ATG5: variants seen among roughly 807,000 people sequenced by gnomAD.
ATG5 encodes the protein autophagy protein 5.
A neutral mutation model predicts 36.5 loss-of-function variants in ATG5; 14 were observed. The ratio of observed to expected loss-of-function variants is 0.38; its 90% CI spans 0.25 to 0.60. The LOEUF is 0.60. Ranked by LOEUF, ATG5 falls within the 20% of genes least tolerant of loss-of-function variation. The probability of loss-of-function intolerance (pLI) is 0.60; values close to 1 mark genes in which losing one functional copy is unlikely to be tolerated. For missense variants in ATG5, 195 were observed against 326.7 expected, an observed-to-expected ratio of 0.60 and a Z score of 3.11; for synonymous variants, 95 against 101.5, an observed-to-expected ratio of 0.94 and a Z score of 0.38.
intron 6 of ATG5, among the ~76,000 whole-genome samples, chr6:106,214,724 G>A (rs561784703): frequency 8.5e-5 from 13 of 152,160 alleles, no homozygotes; most frequent in African/African-American, 2.4e-4. Flanking sequence ...TTTCCTCTTC[G>A]TATCCTTTGA....
chr6:106,265,279 G>C (rs556376301), intron 5 of ATG5, among the ~76,000 whole-genome samples: 1 of 152,144 alleles, frequency 6.6e-6, no homozygotes, highest in Non-Finnish European at 1.5e-5. Context: ...ATGGTAAAGG[G>C]ATCAATGCAA....
intron 1 of ATG5, among the ~76,000 whole-genome samples, chr6:106,324,630 G>A (rs1337495137): frequency 1.3e-5 from 2 of 152,092 alleles, no homozygotes; most frequent in South Asian, 2.1e-4. Flanking sequence ...ACACACTTGA[G>A]GTGTGTGCAC....
intron 1 of ATG5, among the ~76,000 whole-genome samples, chr6:106,321,647 C>T (rs966415253): frequency 2.6e-5 from 4 of 152,144 alleles, no homozygotes; most frequent in Non-Finnish European, 5.9e-5. Context: ...CGTGAGCCAC[C>T]GCGCCTGGCC....
chr6:106,246,375 C>G (rs1463208481), intron 6 of ATG5, among the ~76,000 whole-genome samples: 1 of 88,108 alleles, frequency 1.1e-5, no homozygotes, highest in Non-Finnish European at 2.2e-5. Context: ...GTCTCTGTCT[C>G]TCTCTCTCTC....
chr6:106,239,419 C>T (rs748014991), intron 6 of ATG5, among the ~76,000 whole-genome samples: 8 of 151,986 alleles, frequency 5.3e-5, no homozygotes, highest in South Asian at 2.1e-4. Context: ...AAATTTAAAT[C>T]GAAATTTAAT....
chr6:106,200,327 T>C (rs554331969), intron 7 of ATG5, among the ~76,000 whole-genome samples: 32 of 152,340 alleles, frequency 2.1e-4, no homozygotes, highest in African/African-American at 7.0e-4. Context: ...CAAGTAATCC[T>C]GCATTCCTCC....
intron 5 of ATG5, among the ~76,000 whole-genome samples, chr6:106,279,111 A>G (rs1449596949): frequency 6.6e-6 from 1 of 152,244 alleles, no homozygotes; most frequent in Non-Finnish European, 1.5e-5. Flanking sequence ...AGGGTGATCA[A>G]TGCAGGCAAG....
chr6:106,272,286 G>A (rs1178284446), intron 5 of ATG5, among the ~76,000 whole-genome samples: 3 of 152,178 alleles, frequency 2.0e-5, no homozygotes, highest in Admixed American at 6.5e-5. Flanking sequence ...TTCTGTTATA[G>A]GTCTGCTTAA....
intron 4 of ATG5, among the ~76,000 whole-genome samples, chr6:106,291,763 T>C (rs998945834): frequency 2.0e-5 from 3 of 152,258 alleles, no homozygotes; most frequent in African/African-American, 7.2e-5. Flanking sequence ...TAAACTTAAA[T>C]TGTTGTATAT....
intron 3 of ATG5, among the ~76,000 whole-genome samples, chr6:106,295,910 A>AT (rs1769910276): frequency 1.3e-5 from 2 of 152,326 alleles, no homozygotes; most frequent in Admixed American, 1.3e-4. Context: ...CAAGTTAAAC[A>AT]TAAGACTCAA....
In ATG5 at chr6:106,317,611, T is replaced by G. The variant is rs572914301; in HGVS notation, c.-58-1345A>C. Among the ~76,000 whole-genome samples, 10 of 152,338 alleles carry G rather than the reference T, an allele frequency of 6.6e-5. No individual in the cohort carries two copies. The East Asian group carries it at 1.9e-3, about 29-fold the overall frequency. ...TCCAGTGCTCTTTCCAGCATACTAC[T>G]AGTGTTTTAACTTTTATTAAAATAT... On this transcript the variant is annotated intron_variant, in intron 1 of 7. Transcript: ENST00000369076.
intron 3 of ATG5, among the ~76,000 whole-genome samples, chr6:106,297,947 G>A (rs1389202153): frequency 2.6e-5 from 4 of 150,958 alleles, no homozygotes; most frequent in Non-Finnish European, 5.9e-5. Context: ...TCAACAGAGG[G>A]AGACCCTGTC....
intron 4 of ATG5, among the ~76,000 whole-genome samples, chr6:106,289,192 A>G (rs1001405035): frequency 2.6e-5 from 4 of 152,204 alleles, no homozygotes; most frequent in Non-Finnish European, 5.9e-5. Context: ...ACAAACTTTA[A>G]AAACCACTTC....
At chr6:106,270,966 C>T (rs541992122) in intron 5 of ATG5, among the ~76,000 whole-genome samples, 1 of 152,270 alleles carries the variant, frequency 6.6e-6, no homozygotes, top group African/African-American at 2.4e-5. Flanking sequence ...CCAACATCAC[C>T]CTAAATATCA....
intron 7 of ATG5, among the ~76,000 whole-genome samples, chr6:106,200,341 T>C (rs1254916016): frequency 1.3e-5 from 2 of 152,190 alleles, no homozygotes; most frequent in Non-Finnish European, 2.9e-5. Flanking sequence ...TTCCTCCAAT[T>C]CAGAATACAT....
At chr6:106,190,846 T>C (rs141602832) in intron 7 of ATG5, among the ~76,000 whole-genome samples, 166 of 152,210 alleles carry the variant, frequency 1.1e-3, no homozygotes, top group African/African-American at 3.8e-3. Context: ...TATTAAAAAA[T>C]GATGCTTACA....
chr6:106,246,546 T>A (rs1459888456), intron 6 of ATG5, among the ~76,000 whole-genome samples: 1 of 152,124 alleles, frequency 6.6e-6, no homozygotes, highest in African/African-American at 2.4e-5. Flanking sequence ...GGAAAACCTT[T>A]CCTCTGTACA....
intron 6 of ATG5, among the ~76,000 whole-genome samples, chr6:106,240,803 G>C (rs1341077974): frequency 6.6e-6 from 1 of 152,072 alleles, no homozygotes; most frequent in Non-Finnish European, 1.5e-5. Context: ...ACTTGATAGT[G>C]AATACTGAAC....
intron 6 of ATG5, among the ~76,000 whole-genome samples, chr6:106,232,040 G>C (rs1177344240): frequency 6.6e-6 from 1 of 152,230 alleles, no homozygotes; most frequent in Non-Finnish European, 1.5e-5. Flanking sequence ...ATCACTGTAA[G>C]GCCCACTGCC....
Sources: gnomAD v4.1 joint callset for allele counts (sites outside exome capture counted in the v4.1 genomes callset) on GRCh38, gnomAD v4.1.1 for gene constraint, MANE v1.5 for transcripts, NCBI Gene and HGNC (gene_info 2026-07-23, HGNC 2026-07-21) for gene names.